The following TRIM46 variants were observed in gnomAD, a reference collection of about 807,000 sequenced individuals.
TRIM46 encodes tripartite motif-containing protein 46.
In TRIM46, 17 loss-of-function variants were observed where a neutral mutation model predicts 69.7. That is an observed-to-expected ratio of 0.24 (90% CI 0.17 to 0.37). The LOEUF is 0.37. Among genes scored for constraint, TRIM46 ranks in the 10% least tolerant of loss-of-function variants. The pLI is 1.00. For synonymous variants in TRIM46, 391 were observed against 429.0 expected (o/e 0.91, Z 1.09); for missense variants, 675 against 1,025.1 (o/e 0.66, Z 4.66).
chr1:155,174,046 T>A lies in TRIM46; in HGVS notation c.63+17T>A, dbSNP rs1420503871. Reference sequence around the variant, plus strand: ...CGCATCAGTGTGAGTTAAGGTGGGGTCGAGGGAAGGGGAGGGGGCGTATAG... The same window carrying A: ...CGCATCAGTGTGAGTTAAGGTGGGGACGAGGGAAGGGGAGGGGGCGTATAG... On this transcript the variant is annotated intron_variant, in intron 1 of 9. Transcript: ENST00000334634. The A allele has an allele frequency of 6.4e-7, 1 of 1,556,188 alleles. No homozygotes were observed. The highest frequency in any genetic ancestry group is 1.9e-5 in the Admixed American group (1 of 51,288).
rs895031920 is a variant in TRIM46, at chr1:155,181,059, C to T, written c.1589-793C>T. 1.3e-5 allele frequency among the ~76,000 whole-genome samples: 2 copies of T among 151,772 alleles called. No individual in the cohort carries two copies. The highest frequency in any genetic ancestry group is 2.9e-5 in the Non-Finnish European group (2 of 67,964). On this transcript the variant is annotated intron_variant, in intron 8 of 9. Coordinates refer to ENST00000334634, the MANE Select transcript of TRIM46 (RefSeq NM_025058.5). The surrounding 1 kb of genome is among the most constrained non-coding windows in gnomAD (Gnocchi z 4.3). ...ACCAGCCTGGCCAACATAGTGAAAC[C>T]CCGTCTCTACTAAAAATGAAAATGA...
chr1:155,173,876 C>G lies in TRIM46; in HGVS notation c.-91C>G. ...AGTGACACCTCAACCCCCAGCCCTC[C>G]TCACACCCCCACTGGGCTCCTGCAT... is the stretch of plus-strand genomic sequence containing the variant. On this transcript the variant is annotated 5_prime_UTR_variant, in exon 1 of 10. Transcript: ENST00000334634. 1 of 1,359,284 alleles carries G rather than the reference C, an allele frequency of 7.4e-7. No homozygotes were observed. The highest frequency in any genetic ancestry group is 1.2e-5 in the South Asian group (1 of 80,102). 84.2% of individuals were successfully genotyped at this position (1,359,284 alleles called of 1,614,324 possible).
intron 7 of TRIM46, chr1:155,178,935 A>C: frequency 1.0e-6 from 1 of 972,664 alleles, no homozygotes. Flanking sequence ...CCAACCACTC[A>C]TTGCTTCCTT....
At chr1:155,174,882 T>G (rs1571728168) in intron 1 of TRIM46, 1 of 1,406,230 alleles carries the variant, frequency 7.1e-7, no homozygotes, top group Non-Finnish European at 9.2e-7. Context: ...GAGGCTGGAG[T>G]GGCCGCAGGC....
Position 155,181,793 on chromosome 1 carries a change from C to T in TRIM46, c.1589-59C>T, listed in dbSNP as rs1289338563. 1 of 1,554,060 alleles carries T rather than the reference C, an allele frequency of 6.4e-7. No individual in the cohort carries two copies. Among genetic ancestry groups the T allele is most frequent in the African/African-American group, 1.4e-5 (1 of 74,054 alleles). On this transcript the variant is annotated intron_variant, in intron 8 of 9. Transcript: ENST00000334634. This position sits in a 1 kb window ranked among gnomAD's most constrained non-coding sequence, Gnocchi z 4.3. ...CCCTGTTCTGCAGTCTCACAGCCCC[C>T]AGTGCCAGTGTTTGTCCCTGAAGTT...
At position 155,175,580 on chromosome 1, in the gene TRIM46, C is replaced by T. The variant is rs369882956; in HGVS notation, c.258C>T (p.Thr86=). 2 of 1,613,532 alleles carry T rather than the reference C, an allele frequency of 1.2e-6. No homozygotes were observed. The highest frequency in any genetic ancestry group is 2.2e-5 in the South Asian group (2 of 91,068). The change falls in exon 2 of 10, where the codon ACC becomes ACT. Residue 86 remains threonine (T), a synonymous_variant. Transcript: ENST00000334634. This position sits in a 1 kb window ranked among gnomAD's most constrained non-coding sequence, Gnocchi z 4.2. ...EPTSPASTPS[T]RSPRLSRRTL... ...CCTCTCCTGCCTCCACCCCTTCCACCCGCAGCCCCCGCCTCTCCCGCAGAA... is the reference window on the plus strand; with the variant it reads ...CCTCTCCTGCCTCCACCCCTTCCACTCGCAGCCCCCGCCTCTCCCGCAGAA...
At chr1:155,183,056 A>T (rs577896094) in intron 9 of TRIM46, among the ~76,000 whole-genome samples, 1 of 151,094 alleles carries the variant, frequency 6.6e-6, no homozygotes, top group Non-Finnish European at 1.5e-5. Context: ...GACTACAGGC[A>T]CCCGCCACCA....
rs1361734129 is a variant in TRIM46 at position 155,173,958 on chromosome 1, G to A, written c.-9G>A. 3.2e-6 allele frequency: 5 copies of A among 1,572,740 alleles called. No individual in the cohort carries two copies. The Admixed American group carries it at 9.4e-5, about 30-fold the overall frequency. ...CGGGCACCCAGGGGCGGGCGGGCAC[G>A]GTAGGGCCATGGCAGAGGGTGAGGA... On this transcript the variant is annotated 5_prime_UTR_variant, in exon 1 of 10. Coordinates refer to ENST00000334634, the MANE Select transcript of TRIM46 (RefSeq NM_025058.5).
In TRIM46 at chr1:155,175,379, T is replaced by G; in HGVS notation, c.64-7T>G. 6.2e-7 allele frequency: 1 copy of G among 1,613,512 alleles called. No individual in the cohort carries two copies. The highest frequency in any genetic ancestry group is 8.5e-7 in the Non-Finnish European group (1 of 1,179,732). ...AGCGCTGACCTAGCCTCCTGGTCCC[T>G]CCACAGACCAGCATGAAGAACATGG... is the stretch of plus-strand genomic sequence containing the variant. On this transcript the variant is annotated splice_region_variant and splice_polypyrimidine_tract_variant and intron_variant, in intron 1 of 9. Transcript: ENST00000334634. The surrounding 1 kb of genome is among the most constrained non-coding windows in gnomAD (Gnocchi z 4.2).
chr1:155,173,992 C>A lies in TRIM46; in HGVS notation c.26C>A (p.Thr9Asn), dbSNP rs530172032. 1.3e-6 allele frequency: 2 copies of A among 1,574,356 alleles called. No individual in the cohort carries two copies. Among genetic ancestry groups the A allele is most frequent in the South Asian group, 1.2e-5 (1 of 85,854 alleles). ...ATGGCAGAGGGTGAGGATATGCAGA[C>A]CTTCACTTCCATCATGGACGCACTG... Reference protein sequence around the residue: MAEGEDMQTFTSIMDALVR... With the variant: MAEGEDMQNFTSIMDALVR... Residue 9 changes from threonine (T) to asparagine (N), a missense_variant, in exon 1 of 10, where the codon ACC becomes AAC. Transcript: ENST00000334634.
Position 155,184,077 on chromosome 1 carries a change from CCT to C in TRIM46, c.2168_2169del (p.Pro723ArgfsTer22). 6.2e-7 allele frequency: 1 copy of C among 1,614,090 alleles called. No individual in the cohort carries two copies. The highest frequency in any genetic ancestry group is 8.5e-7 in the Non-Finnish European group (1 of 1,180,032). On this transcript the variant is annotated frameshift_variant, in exon 10 of 10. Coordinates refer to ENST00000334634, the MANE Select transcript of TRIM46 (RefSeq NM_025058.5). LOFTEE classifies it high-confidence loss of function. The surrounding 1 kb of genome is among the most constrained non-coding windows in gnomAD (Gnocchi z 5.6). ...GGAGTGCCCCCTGGACTGCTCAGGG[CCT>C]GTGTGCCCTGCCTTTTGCTTCATCG... is the stretch of plus-strand genomic sequence containing the variant. Reference protein sequence around the residue: ...LLECPLDCSGPVCPAFCFIGG... With the variant: ...LLECPLDCSGXVCPAFCFIGG...
At chr1:155,174,917 G>A in intron 1 of TRIM46, 1 of 1,408,004 alleles carries the variant, frequency 7.1e-7, no homozygotes, top group Non-Finnish European at 9.2e-7. Context: ...GAGGACGTAT[G>A]GAGCGAGCAG....
At position 155,175,920 on chromosome 1, in the gene TRIM46, G is replaced by A; in HGVS notation, c.358G>A (p.Ala120Thr). The change falls in exon 3 of 10, where the codon GCT becomes ACT. Residue 120 changes from alanine to threonine, a missense_variant. Around this residue, in one of 5 missense-constraint regions of TRIM46, gnomAD observed 170 missense variants for 255.6 expected, o/e 0.67. Transcript: ENST00000334634. The surrounding 1 kb of genome is among the most constrained non-coding windows in gnomAD (Gnocchi z 4.2). ...GACATACCCTGGGAGGAAGCGAGGTGCTTTGCACCCCCAAGTGATCATGTT... is the reference window on the plus strand; with the variant it reads ...GACATACCCTGGGAGGAAGCGAGGTACTTTGCACCCCCAAGTGATCATGTT... ...FGTYPGRKRG[A>T]LHPQVIMFPC... 6 of 1,594,898 alleles carry A rather than the reference G, an allele frequency of 3.8e-6. No homozygotes were observed. Among genetic ancestry groups the A allele is most frequent in the Non-Finnish European group, 5.1e-6 (6 of 1,168,504 alleles).
chr1:155,178,746 C>A, intron 7 of TRIM46, 133 bp downstream of exon 7: 1 of 1,403,342 alleles, frequency 7.1e-7, no homozygotes, highest in Non-Finnish European at 9.7e-7. Flanking sequence ...TCCTCCCACC[C>A]AGCCCACCCT....
In TRIM46 at chr1:155,181,199, C is replaced by G. The variant is rs970522630; in HGVS notation, c.1589-653C>G. 1.2e-4 allele frequency among the ~76,000 whole-genome samples: 18 copies of G among 152,206 alleles called. No homozygotes were observed. Among genetic ancestry groups the G allele is most frequent in the Non-Finnish European group, 2.1e-4 (14 of 68,038 alleles). On this transcript the variant is annotated intron_variant, in intron 8 of 9. Coordinates refer to ENST00000334634, the MANE Select transcript of TRIM46 (RefSeq NM_025058.5). This position sits in a 1 kb window ranked among gnomAD's most constrained non-coding sequence, Gnocchi z 4.3. Reference sequence around the variant, plus strand: ...GGGTTGCAGTGAGCCAAGATTGCGCCACTGCACTCCAGCCTGGGGAACAGT... The same window carrying G: ...GGGTTGCAGTGAGCCAAGATTGCGCGACTGCACTCCAGCCTGGGGAACAGT...
Position 155,183,804 on chromosome 1 carries a change from C to A in TRIM46, c.1894C>A (p.Pro632Thr). The change falls in exon 10 of 10, where the codon CCG becomes ACG. Residue 632 changes from proline (P) to threonine (T), a missense_variant. This residue lies in a region of TRIM46 where 35 missense variants were observed against 99.3 expected (regional missense o/e 0.35). Transcript: ENST00000334634. ...CAACACCCGCTTCTGCAGGTACGAC[C>A]CGGACAGCGGGCACGACAGCGGTGC... ...APDVISPRYD[P>T]DSGHDSGAED... is the part of the protein sequence containing the mutation. 1 of 1,603,022 alleles carries A rather than the reference C, an allele frequency of 6.2e-7. No homozygotes were observed. Among genetic ancestry groups the A allele is most frequent in the East Asian group, 2.2e-5 (1 of 44,884 alleles).
At chr1:155,182,562 C>T (rs550261951) in intron 9 of TRIM46, 19 of 267,942 alleles carry the variant, frequency 7.1e-5, no homozygotes, top group Admixed American at 9.7e-5. Context: ...TTCCCTTAGC[C>T]GGATGCGGTG....
intron 1 of TRIM46, chr1:155,174,553 C>T: frequency 1.4e-6 from 2 of 1,465,030 alleles, no homozygotes; most frequent in Non-Finnish European, 1.8e-6. Flanking sequence ...CCGTGTTCCC[C>T]CCCACCACTT....
At position 155,178,088 on chromosome 1, in the gene TRIM46, T is replaced by C. The variant is rs771981869; in HGVS notation, c.996T>C (p.Leu332=). The stretch of plus-strand genomic sequence containing the variant: ...TGGAGGAGAAGCGGGCATCACTGCT[T>C]CAGGCCATTGAAGAATGCCAGCAGG... ...AVLEEKRASL[L]QAIEECQQER... is the part of the protein sequence containing the mutation. Residue 332 remains leucine (L), a synonymous_variant, in exon 6 of 10, where the codon CTT becomes CTC. Coordinates refer to ENST00000334634, the MANE Select transcript of TRIM46 (RefSeq NM_025058.5). The C allele has an allele frequency of 6.2e-7, 1 of 1,614,088 alleles. No homozygotes were observed. The highest frequency in any genetic ancestry group is 1.1e-5 in the South Asian group (1 of 91,078).
Sources: allele counts gnomAD v4.1 joint callset (sites outside exome capture counted in the v4.1 genomes callset), GRCh38; gene constraint gnomAD v4.1.1; regional missense constraint gnomAD v4.1.1; non-coding constraint Gnocchi (gnomAD v3.1); transcripts MANE v1.5; gene names NCBI Gene and HGNC (gene_info 2026-07-23, HGNC 2026-07-21).